PTPN3: variants seen among roughly 807,000 people sequenced by gnomAD.
PTPN3 encodes the protein protein tyrosine phosphatase non-receptor type 3.
Under a neutral mutation model 132.7 loss-of-function variants are expected in PTPN3, and 96 were observed. The ratio of observed to expected loss-of-function variants is 0.72; its 90% CI spans 0.61 to 0.86. PTPN3 has a LOEUF of 0.86. Among genes scored for constraint, PTPN3 ranks in the 40% least tolerant of loss-of-function variants. The probability of loss-of-function intolerance (pLI) is 0.00; values close to 1 mark genes in which losing one functional copy is unlikely to be tolerated. For synonymous variants in PTPN3, 398 were observed against 429.0 expected, an observed-to-expected ratio of 0.93 and a Z score of 0.89; for missense variants, 1,125 against 1,159.6, an observed-to-expected ratio of 0.97 and a Z score of 0.43.
the PTPN3 span, chr9:109,511,376 AGT>A: frequency 6.5e-6 from 1 of 152,812 alleles, no homozygotes; most frequent in Non-Finnish European, 1.5e-5. Flanking sequence ...GACAGAATGC[AGT>A]GATCCCCAAA....
In PTPN3 at chr9:109,381,693, G is replaced by A. The variant is rs1400639923; in HGVS notation, c.2623C>T (p.Arg875Ter). 3.1e-6 allele frequency: 5 copies of A among 1,614,126 alleles called. No individual in the cohort carries two copies. In the South Asian group the frequency reaches 4.4e-5, roughly 14 times the overall value. ...ATGGCGCGCTGGTCTCGCATTTTTC[G>A]GACAATATCCAGTGGGTAAATGGGC... ...NLPIYPLDIV[R>*]KMRDQRAMMV... The change falls in exon 25 of 26, where the codon CGA becomes TGA. Residue 875 changes from arginine (R) to a stop codon, truncating the protein, a stop_gained. Transcript: ENST00000374541. LOFTEE classifies it high-confidence loss of function.
chr9:109,380,358 C>T (rs760530459), intron 25 of PTPN3, among the ~76,000 whole-genome samples: 16 of 152,064 alleles, frequency 1.1e-4, no homozygotes, highest in African/African-American at 1.7e-4. Context: ...TGGGTTCAAG[C>T]GATTCTCCTG....
chr9:109,475,469 G>A (rs1846612906), intron 1 of PTPN3, among the ~76,000 whole-genome samples: 1 of 152,180 alleles, frequency 6.6e-6, no homozygotes, highest in Admixed American at 6.5e-5. Flanking sequence ...AATGGAATAT[G>A]TTTTACATTT....
In PTPN3 at chr9:109,404,458, A is replaced by G; in HGVS notation, c.1943T>C (p.Ile648Thr). ...KKGLESGTVL[I>T]QFEQLYRKKP... is the part of the protein sequence containing the mutation. ...TCCAGAGGGTCTTACCTCAAACTGG[A>G]TCAGCACCGTCCCGCTTTCGAGGCC... Residue 648 changes from isoleucine to threonine, a missense_variant, in exon 19 of 26, where the codon ATC becomes ACC. Transcript: ENST00000374541. 1 of 1,469,722 alleles carries G rather than the reference A, an allele frequency of 6.8e-7. No homozygotes were observed. Among genetic ancestry groups the G allele is most frequent in the Non-Finnish European group, 9.2e-7 (1 of 1,091,014 alleles). The allele number at this position is 1,469,722 out of a possible 1,614,324, so 91.0% of individuals were successfully genotyped here. A position where few individuals can be genotyped will look rare whatever the true frequency, so the allele number is the denominator to read the frequency against.
intron 1 of PTPN3, among the ~76,000 whole-genome samples, chr9:109,481,974 G>A (rs749108233): frequency 7.9e-5 from 12 of 152,252 alleles, no homozygotes; most frequent in Non-Finnish European, 1.5e-4. Context: ...CTTTCGGTCA[G>A]GTCCAAGATG....
intron 14 of PTPN3, among the ~76,000 whole-genome samples, chr9:109,411,574 C>T (rs1842081441): frequency 6.6e-6 from 1 of 152,156 alleles, no homozygotes; most frequent in Admixed American, 6.5e-5. Flanking sequence ...GACTCTGCCC[C>T]ACCCTAACCT....
chr9:109,381,877 G>A, intron 24 of PTPN3, 90 bp from the exon 25 acceptor site: 1 of 1,505,760 alleles, frequency 6.6e-7, no homozygotes, highest in South Asian at 1.1e-5. Flanking sequence ...CTCCAAAGGG[G>A]CTTTCCTCCC....
At chr9:109,448,191 C>T (rs1844987689) in intron 6 of PTPN3, among the ~76,000 whole-genome samples, 1 of 152,164 alleles carries the variant, frequency 6.6e-6, no homozygotes, top group African/African-American at 2.4e-5. Context: ...ACGCTGGTAA[C>T]CTCTGAAGAC....
At chr9:109,523,392 G>T in the PTPN3 span, among the ~76,000 whole-genome samples, 995 of 152,278 alleles carry the variant, frequency 6.5e-3, 13 homozygotes, top group African/African-American at 0.023. Context: ...GGGATTACAG[G>T]CATGAGCCAC....
At position 109,425,821 on chromosome 9, in the gene PTPN3, T is replaced by C. The variant is rs376116900; in HGVS notation, c.1001+1129A>G. 2.0e-4 allele frequency among the ~76,000 whole-genome samples: 31 copies of C among 151,928 alleles called. No homozygotes were observed. The East Asian group carries it at 4.7e-3, about 23-fold the overall frequency. On this transcript the variant is annotated intron_variant, in intron 12 of 25. Transcript: ENST00000374541. Reference sequence around the variant, plus strand: ...TGAGGTCAGGAATTCGAGACCAGGCTGGCCAACCATGGTGAAACCCTGTCT... The same window carrying C: ...TGAGGTCAGGAATTCGAGACCAGGCCGGCCAACCATGGTGAAACCCTGTCT...
At chr9:109,446,875 T>G (rs1033373577) in intron 6 of PTPN3, among the ~76,000 whole-genome samples, 1 of 152,210 alleles carries the variant, frequency 6.6e-6, no homozygotes, top group South Asian at 2.1e-4. Flanking sequence ...GTGAAGGGCT[T>G]GGATGAGATC....
At chr9:109,380,214 A>AATCTATCTATCTATCTATCTATCT (rs55963327) in intron 25 of PTPN3, among the ~76,000 whole-genome samples, 4 of 145,902 alleles carry the variant, frequency 2.7e-5, no homozygotes, top group Non-Finnish European at 3.0e-5. Context: ...CAGCTAGGAA[A>AATCTATCTATCTATCTATCTATCT]ATCTATCTAT....
chr9:109,536,800 C>T, the PTPN3 span, among the ~76,000 whole-genome samples: 1 of 152,236 alleles, frequency 6.6e-6, no homozygotes, highest in South Asian at 2.1e-4. Context: ...TCTCTTGCTG[C>T]CTTGCCTTTG....
intron 1 of PTPN3, among the ~76,000 whole-genome samples, chr9:109,486,815 T>A (rs1443122946): frequency 6.6e-6 from 1 of 152,104 alleles, no homozygotes; most frequent in African/African-American, 2.4e-5. Context: ...GTTACCCCCA[T>A]GCTGCTGTTC....
intron 10 of PTPN3, among the ~76,000 whole-genome samples, chr9:109,432,343 C>G (rs998180699): frequency 2.4e-4 from 37 of 152,190 alleles, no homozygotes; most frequent in African/African-American, 8.9e-4. Context: ...ACTGTTTTGC[C>G]AAAACTCCGT....
intron 1 of PTPN3, among the ~76,000 whole-genome samples, chr9:109,497,241 C>T (rs1406339295): frequency 3.3e-5 from 5 of 152,140 alleles, no homozygotes; most frequent in Admixed American, 2.6e-4. Flanking sequence ...ATGAGAGCCA[C>T]GAGGGTCTCT....
chr9:109,393,052 T>G (rs1029477410), intron 19 of PTPN3: 1 of 152,228 alleles, frequency 6.6e-6, no homozygotes, highest in Non-Finnish European at 1.5e-5. Flanking sequence ...AGTCCTGCAA[T>G]GCATAATGCA....
chr9:109,449,884 CA>C, intron 5 of PTPN3: 7 of 985,386 alleles, frequency 7.1e-6, no homozygotes, highest in Non-Finnish European at 8.4e-6. Flanking sequence ...ATGCTTCAAA[CA>C]GTATTACAAC....
chr9:109,434,232 C>T (rs986907544), intron 9 of PTPN3, among the ~76,000 whole-genome samples: 1 of 152,138 alleles, frequency 6.6e-6, no homozygotes, highest in Non-Finnish European at 1.5e-5. Context: ...CAGCCTCAAC[C>T]TCCTGGGCTC....
Sources: gnomAD v4.1 joint callset for allele counts (sites outside exome capture counted in the v4.1 genomes callset) on GRCh38, gnomAD v4.1.1 for gene constraint, MANE v1.5 for transcripts, NCBI Gene and HGNC (gene_info 2026-07-23, HGNC 2026-07-21) for gene names.